The following PLCE1 variants were observed in gnomAD, a reference collection of about 807,000 sequenced individuals.
The protein encoded by PLCE1 is phospholipase C epsilon 1.
In PLCE1, 119 loss-of-function variants were observed where a neutral mutation model predicts 242.8. The observed-to-expected ratio is 0.49, with a 90% CI of 0.42 to 0.57. The LOEUF is 0.57. PLCE1 is among the 20% of genes least tolerant of loss of function. The probability of loss-of-function intolerance (pLI) is 0.00; values close to 1 mark genes in which losing one functional copy is unlikely to be tolerated. For missense variants in PLCE1, 2,441 were observed against 2,788.8 expected (o/e 0.88, Z 2.81); for synonymous variants, 945 against 1,017.4 (o/e 0.93, Z 1.35).
intron 2 of PLCE1, among the ~76,000 whole-genome samples, chr10:94,061,132 C>A (rs1393725887): frequency 1.3e-5 from 2 of 152,142 alleles, no homozygotes; most frequent in Admixed American, 6.5e-5. Context: ...CTCTGCATGT[C>A]AGGTTTCAAG....
rs753048370 is a variant in PLCE1, at chr10:94,254,907, G to A, written c.3412G>A (p.Ala1138Thr). ...CATCCTCACAGAGGTGAATGCCATCGCTAACCCTCCAAACCCCCTCCCTTC... is the reference window on the plus strand; with the variant it reads ...CATCCTCACAGAGGTGAATGCCATCACTAACCCTCCAAACCCCCTCCCTTC... ...EQEESEVNAI[A>T]NPPNPLPSRR... Residue 1138 changes from alanine (A) to threonine (T), a missense_variant, in exon 11 of 33, where the codon GCT (alanine) becomes ACT (threonine). Transcript: ENST00000371380. 2.0e-5 allele frequency: 32 copies of A among 1,613,810 alleles called. No homozygotes were observed. The Admixed American group carries it at 2.8e-4, about 14-fold the overall frequency.
At chr10:94,092,782 C>A (rs2045130073) in intron 2 of PLCE1, among the ~76,000 whole-genome samples, 1 of 151,982 alleles carries the variant, frequency 6.6e-6, no homozygotes, top group African/African-American at 2.4e-5. Context: ...AAGGAGCATT[C>A]TATAAGAAAC....
At chr10:94,115,761 C>A (rs1479555826) in intron 2 of PLCE1, among the ~76,000 whole-genome samples, 1 of 152,140 alleles carries the variant, frequency 6.6e-6, no homozygotes, top group African/African-American at 2.4e-5. Context: ...TTGCACAATT[C>A]TAGGCGCCAG....
At chr10:94,194,334 T>C (rs2048755691) in intron 4 of PLCE1, among the ~76,000 whole-genome samples, 1 of 152,240 alleles carries the variant, frequency 6.6e-6, no homozygotes, top group Non-Finnish European at 1.5e-5. Flanking sequence ...CCTATGGTAA[T>C]ACTAAGAGAC....
At chr10:94,260,952 G>A (rs1036839221) in intron 13 of PLCE1, among the ~76,000 whole-genome samples, 1 of 152,178 alleles carries the variant, frequency 6.6e-6, no homozygotes, top group African/African-American at 2.4e-5. Flanking sequence ...TGGCATTAGT[G>A]TAGTACATTT....
chr10:94,116,810 C>A (rs1402398639), intron 2 of PLCE1, among the ~76,000 whole-genome samples: 2 of 152,206 alleles, frequency 1.3e-5, no homozygotes, highest in African/African-American at 4.8e-5. Flanking sequence ...AATGGCCATG[C>A]CCTTCACCTT....
chr10:94,215,914 C>T (rs972722075), intron 4 of PLCE1, among the ~76,000 whole-genome samples: 2 of 151,806 alleles, frequency 1.3e-5, no homozygotes, highest in Non-Finnish European at 2.9e-5. Context: ...CAATGAGACC[C>T]GAACTCAAAT....
chr10:94,181,095 T>G (rs889360449), intron 4 of PLCE1, among the ~76,000 whole-genome samples: 17 of 152,240 alleles, frequency 1.1e-4, no homozygotes, highest in Non-Finnish European at 2.1e-4. Context: ...CAGACAGGAC[T>G]GGCACGCATG....
intron 22 of PLCE1, among the ~76,000 whole-genome samples, chr10:94,291,850 A>T (rs1001358518): frequency 6.6e-6 from 1 of 152,004 alleles, no homozygotes; most frequent in African/African-American, 2.4e-5. Context: ...CTTCTTCATT[A>T]TTTTTCTGGG....
intron 4 of PLCE1, among the ~76,000 whole-genome samples, chr10:94,176,984 A>G (rs1378258910): frequency 2.6e-5 from 4 of 152,096 alleles, no homozygotes; most frequent in Admixed American, 6.5e-5. Flanking sequence ...CAAGAAGACA[A>G]TCAGACAGTT....
At chr10:94,028,126 A>T (rs2061487497) in intron 1 of PLCE1, among the ~76,000 whole-genome samples, 1 of 152,214 alleles carries the variant, frequency 6.6e-6, no homozygotes, top group Admixed American at 6.5e-5. Context: ...TGTATTAGTT[A>T]TCTATCACTG....
chr10:94,182,084 TTTTC>T (rs1018324495), intron 4 of PLCE1, among the ~76,000 whole-genome samples: 5 of 137,542 alleles, frequency 3.6e-5, no homozygotes, highest in Admixed American at 3.5e-4. Flanking sequence ...TCTTCCTTCC[TTTTC>T]TTTCTGTTTT....
At chr10:94,081,484 T>A (rs1468443006) in intron 2 of PLCE1, among the ~76,000 whole-genome samples, 1 of 152,234 alleles carries the variant, frequency 6.6e-6, no homozygotes, top group African/African-American at 2.4e-5. Context: ...TTTCATTCAT[T>A]TGGAATTTAT....
At chr10:94,086,282 A>G (rs531583392) in intron 2 of PLCE1, among the ~76,000 whole-genome samples, 3 of 152,290 alleles carry the variant, frequency 2.0e-5, no homozygotes, top group African/African-American at 4.8e-5. Context: ...AGTAAAATCT[A>G]TCTCACTTTT....
chr10:94,128,975 A>G (rs1468615761), intron 2 of PLCE1, among the ~76,000 whole-genome samples: 2 of 152,240 alleles, frequency 1.3e-5, no homozygotes, highest in East Asian at 1.9e-4. Context: ...TCAGATGTAT[A>G]TGTAAAGCTT....
intron 1 of PLCE1, among the ~76,000 whole-genome samples, chr10:94,007,121 T>A (rs940414232): frequency 3.3e-5 from 5 of 151,792 alleles, no homozygotes; most frequent in Non-Finnish European, 7.4e-5. Flanking sequence ...AAAAAAGAGG[T>A]ACCGGTTCAT....
intron 2 of PLCE1, among the ~76,000 whole-genome samples, chr10:94,080,554 G>C (rs1017416865): frequency 6.6e-6 from 1 of 152,166 alleles, no homozygotes; most frequent in East Asian, 1.9e-4. Context: ...TCTGGATTCC[G>C]AGTCAGCTTC....
chr10:94,261,155 C>T (rs547626495), intron 13 of PLCE1, among the ~76,000 whole-genome samples: 46 of 152,236 alleles, frequency 3.0e-4, no homozygotes, highest in Non-Finnish European at 4.4e-4. Flanking sequence ...ATCCCCCCCG[C>T]GACCTCCCTC....
intron 2 of PLCE1, among the ~76,000 whole-genome samples, chr10:94,097,398 T>G (rs1312739591): frequency 2.0e-5 from 3 of 152,114 alleles, no homozygotes; most frequent in African/African-American, 4.8e-5. Flanking sequence ...TTCACAGAAT[T>G]TATTCATTAA....
Sources: allele counts gnomAD v4.1 joint callset (sites outside exome capture counted in the v4.1 genomes callset), GRCh38; gene constraint gnomAD v4.1.1; transcripts MANE v1.5; gene names NCBI Gene and HGNC (gene_info 2026-07-23, HGNC 2026-07-21).